SEMA6D: variants seen among roughly 807,000 people sequenced by gnomAD.
SEMA6D encodes the protein semaphorin 6D.
A neutral mutation model predicts 106.6 loss-of-function variants in SEMA6D; 35 were observed. The ratio of observed to expected loss-of-function variants is 0.33; its 90% CI spans 0.25 to 0.44. The LOEUF (loss-of-function observed/expected upper bound fraction) is 0.44. Among genes scored for constraint, SEMA6D ranks in the 20% least tolerant of loss-of-function variants. The probability of loss-of-function intolerance (pLI) is 1.00; values close to 1 mark genes in which losing one functional copy is unlikely to be tolerated. For missense variants in SEMA6D, 1,185 were observed against 1,345.9 expected (o/e 0.88, Z 1.87); for synonymous variants, 499 against 487.7 (o/e 1.02, Z -0.31).
chr15:47,246,444 G>T (rs1566948751), intron 1 of SEMA6D, among the ~76,000 whole-genome samples: 1 of 152,150 alleles, frequency 6.6e-6, no homozygotes, highest in Non-Finnish European at 1.5e-5. Context: ...TTATATCTTT[G>T]TAGACTAGAA....
chr15:47,260,587 TC>T (rs1276490326), intron 1 of SEMA6D, among the ~76,000 whole-genome samples: 2 of 152,150 alleles, frequency 1.3e-5, no homozygotes, highest in African/African-American at 4.8e-5. Flanking sequence ...ATAGGATTTT[TC>T]TGCCTGTGTC....
intron 2 of SEMA6D, among the ~76,000 whole-genome samples, chr15:47,440,942 A>G (rs191219290): frequency 2.0e-4 from 30 of 152,156 alleles, no homozygotes; most frequent in Middle Eastern, 3.4e-3. Context: ...AGGAGACCAA[A>G]CACTACAATC....
intron 1 of SEMA6D, among the ~76,000 whole-genome samples, chr15:47,352,428 A>G (rs746196007): frequency 7.2e-5 from 11 of 152,142 alleles, no homozygotes; most frequent in Non-Finnish European, 1.3e-4. Context: ...AACTCAAGAG[A>G]GTAGCAGCCT....
intron 1 of SEMA6D, chr15:47,399,226 C>T (rs1396208616): frequency 6.6e-6 from 1 of 152,118 alleles, no homozygotes; most frequent in Non-Finnish European, 1.5e-5. Context: ...AAGTGATTTG[C>T]TCAAGGTCAC....
chr15:47,351,200 C>T (rs537739359), intron 1 of SEMA6D, among the ~76,000 whole-genome samples: 1 of 152,234 alleles, frequency 6.6e-6, no homozygotes, highest in Admixed American at 6.5e-5. Context: ...CTTAAAGGGT[C>T]AATTCAAATG....
intron 3 of SEMA6D, among the ~76,000 whole-genome samples, chr15:47,509,626 T>C (rs932691143): frequency 2.6e-5 from 4 of 152,206 alleles, no homozygotes; most frequent in Admixed American, 2.6e-4. Flanking sequence ...TGCTTTCATA[T>C]CTCTACACCT....
chr15:47,755,478 T>C (rs749071648), intron 1 of SEMA6D, among the ~76,000 whole-genome samples: 1 of 152,236 alleles, frequency 6.6e-6, no homozygotes, highest in Non-Finnish European at 1.5e-5. Context: ...TTGGGCAATG[T>C]ATGTAAATAA....
intron 1 of SEMA6D, among the ~76,000 whole-genome samples, chr15:47,277,616 A>ATTTATTTATTTAT (rs537046889): frequency 2.2e-5 from 3 of 137,230 alleles, no homozygotes; most frequent in African/African-American, 8.7e-5. Context: ...ATTATTATTT[A>ATTTATTTATTTAT]TTATTATTAT....
At chr15:47,561,525 C>T (rs1283367816) in intron 3 of SEMA6D, among the ~76,000 whole-genome samples, 2 of 151,496 alleles carry the variant, frequency 1.3e-5, no homozygotes, top group South Asian at 2.1e-4. Flanking sequence ...CAAAGAGTAA[C>T]ACCAAATCCT....
At chr15:47,637,097 T>G (rs28667559) in intron 4 of SEMA6D, among the ~76,000 whole-genome samples, 30,632 of 152,110 alleles carry the variant, frequency 0.2, 3,814 homozygotes, top group Non-Finnish European at 0.27. Context: ...TCTGAGCAAC[T>G]CAGCTCTGGA....
At chr15:47,457,200 C>G (rs564029677) in intron 2 of SEMA6D, among the ~76,000 whole-genome samples, 7 of 152,026 alleles carry the variant, frequency 4.6e-5, no homozygotes, top group African/African-American at 1.7e-4. Context: ...AAAAGCTTAC[C>G]AAATAATTTA....
At chr15:47,327,717 A>G (rs551318077) in intron 1 of SEMA6D, among the ~76,000 whole-genome samples, 2 of 152,288 alleles carry the variant, frequency 1.3e-5, no homozygotes, top group East Asian at 3.9e-4. Context: ...GCTGTGTTGG[A>G]CTGGGAAATA....
chr15:47,614,108 G>T (rs1446836869), intron 4 of SEMA6D, among the ~76,000 whole-genome samples: 3 of 152,042 alleles, frequency 2.0e-5, no homozygotes, highest in Non-Finnish European at 2.9e-5. Context: ...AGGCCCCAAA[G>T]ATCCCATTAC....
chr15:47,271,907 G>A (rs193053723), intron 1 of SEMA6D, among the ~76,000 whole-genome samples: 73 of 152,296 alleles, frequency 4.8e-4, no homozygotes, highest in Middle Eastern at 3.4e-3. Context: ...TTCTTATGTA[G>A]GGGTTTGTAT....
chr15:47,411,574 C>T (rs557687630), intron 1 of SEMA6D, among the ~76,000 whole-genome samples: 3 of 152,232 alleles, frequency 2.0e-5, no homozygotes, highest in Admixed American at 6.5e-5. Context: ...AGAACAAAAA[C>T]TTATCTAAGA....
intron 1 of SEMA6D, among the ~76,000 whole-genome samples, chr15:47,391,720 A>AT (rs1290630905): frequency 6.6e-6 from 1 of 150,388 alleles, no homozygotes; most frequent in South Asian, 2.1e-4. Flanking sequence ...ACACAAATGC[A>AT]TTTTTTGCTG....
At chr15:47,286,602 T>A (rs949957899) in intron 1 of SEMA6D, among the ~76,000 whole-genome samples, 45 of 152,176 alleles carry the variant, frequency 3.0e-4, no homozygotes, top group Admixed American at 1.7e-3. Context: ...AATATCTTCC[T>A]CTTCATTTTA....
chr15:47,494,762 AT>A (rs1169074394), intron 3 of SEMA6D, among the ~76,000 whole-genome samples: 2 of 85,192 alleles, frequency 2.3e-5, no homozygotes, highest in African/African-American at 1.1e-4. Flanking sequence ...ATATATATAT[AT>A]ATATATATAT....
chr15:47,772,371 T>TGC lies in SEMA6D; in HGVS notation c.*587_*588insCG, dbSNP rs1442955286. The TGC allele has an allele frequency of 6.5e-6, 1 of 153,636 alleles. No homozygotes were observed. The allele number at this position is 153,636 out of a possible 1,614,324, so 9.5% of individuals were successfully genotyped here. A position where few individuals can be genotyped will look rare whatever the true frequency, so the allele number is the denominator to read the frequency against. On this transcript the variant is annotated 3_prime_UTR_variant, in exon 19 of 19. Coordinates refer to ENST00000536845, the MANE Select transcript of SEMA6D (RefSeq NM_001358351.3). ...TTGTGTGTGTGCGTGTGTGTGTGTGTGTGTGTGTGTGTGTGTGTGTTCTGT... is the reference window on the plus strand; with the variant it reads ...TTGTGTGTGTGCGTGTGTGTGTGTGTGCGTGTGTGTGTGTGTGTGTGTTCTGT...
Sources: gnomAD v4.1 joint callset for allele counts (sites outside exome capture counted in the v4.1 genomes callset) on GRCh38, gnomAD v4.1.1 for gene constraint, MANE v1.5 for transcripts, NCBI Gene and HGNC (gene_info 2026-07-23, HGNC 2026-07-21) for gene names.